The following INTU variants were observed in gnomAD, a reference collection of about 807,000 sequenced individuals.
INTU encodes the protein inturned planar cell polarity protein, also known as protein inturned.
Under a neutral mutation model 100.5 loss-of-function variants are expected in INTU, and 68 were observed. That is an observed-to-expected ratio of 0.68 (90% CI 0.56 to 0.83). INTU has a LOEUF of 0.83. INTU is among the 40% of genes least tolerant of loss of function. INTU has a pLI of 0.00. For synonymous variants in INTU, 357 were observed against 395.7 expected, an observed-to-expected ratio of 0.90 and a Z score of 1.16; for missense variants, 1,071 against 1,114.7, an observed-to-expected ratio of 0.96 and a Z score of 0.56.
chr4:127,697,057 C>T (rs574428706), intron 8 of INTU, among the ~76,000 whole-genome samples: 1 of 152,272 alleles, frequency 6.6e-6, no homozygotes, highest in South Asian at 2.1e-4. Flanking sequence ...ATTCTCTACT[C>T]AGTGTATTTT....
chr4:127,679,344 T>C (rs1729399798), intron 6 of INTU, among the ~76,000 whole-genome samples: 1 of 152,094 alleles, frequency 6.6e-6, no homozygotes, highest in Non-Finnish European at 1.5e-5. Context: ...ATTGACCACA[T>C]ACTTGGAAGT....
chr4:127,654,051 C>T (rs1461177838), intron 2 of INTU, among the ~76,000 whole-genome samples: 1 of 150,478 alleles, frequency 6.6e-6, no homozygotes, highest in African/African-American at 2.5e-5. Context: ...AAACCCCTGC[C>T]TTTTTTTGTT....
intron 6 of INTU, among the ~76,000 whole-genome samples, chr4:127,676,587 A>G (rs1306867525): frequency 6.9e-6 from 1 of 145,532 alleles, no homozygotes; most frequent in Non-Finnish European, 1.5e-5. Flanking sequence ...CAATGTCTCA[A>G]AAAAAAAAAA....
At chr4:127,698,915 G>A (rs1730517065) in intron 8 of INTU, among the ~76,000 whole-genome samples, 1 of 152,172 alleles carries the variant, frequency 6.6e-6, no homozygotes, top group East Asian at 1.9e-4. Context: ...GGAACCTGAA[G>A]TATTTGCTAG....
intron 9 of INTU, 59 bp from the exon 10 acceptor site, chr4:127,704,169 T>C (rs1006907258): frequency 7.0e-5 from 98 of 1,394,248 alleles, no homozygotes; most frequent in Admixed American, 1.5e-4. Context: ...TATAGCTTAA[T>C]TGGAATTTTT....
At chr4:127,653,731 A>G (rs1449301198) in intron 2 of INTU, among the ~76,000 whole-genome samples, 3 of 150,794 alleles carry the variant, frequency 2.0e-5, no homozygotes, top group African/African-American at 4.9e-5. Flanking sequence ...GTAGATGTCT[A>G]TTAGGTCCAC....
At chr4:127,636,789 C>G (rs1727093927) in intron 1 of INTU, among the ~76,000 whole-genome samples, 2 of 152,060 alleles carry the variant, frequency 1.3e-5, no homozygotes, top group South Asian at 4.2e-4. Context: ...TGTGAAGAAT[C>G]AAAATATTTC....
At chr4:127,708,252 C>G (rs1730967100) in intron 12 of INTU, among the ~76,000 whole-genome samples, 2 of 152,082 alleles carry the variant, frequency 1.3e-5, no homozygotes, top group Non-Finnish European at 2.9e-5. Context: ...AAAGGAGATA[C>G]AGAGATGAAT....
chr4:127,709,041 A>T (rs555403561), intron 13 of INTU, among the ~76,000 whole-genome samples: 1 of 152,106 alleles, frequency 6.6e-6, no homozygotes, highest in Non-Finnish European at 1.5e-5. Flanking sequence ...CCTTTCCAAC[A>T]CTTGAGAATG....
chr4:127,705,560 T>C (rs764472452), intron 10 of INTU, 31 bp from the exon 11 acceptor site: 36 of 1,510,478 alleles, frequency 2.4e-5, no homozygotes, highest in Non-Finnish European at 3.1e-5. Flanking sequence ...ATATCACTGG[T>C]AGACTTTTGC....
chr4:127,688,147 G>T lies in INTU; in HGVS notation c.1449+280G>T, dbSNP rs534868194. Reference sequence around the variant, plus strand: ...TAATTAAATGGTGTGTCTTACTTTGGAATTTTGTGACTTTGATTTTATAAT... The same window carrying T: ...TAATTAAATGGTGTGTCTTACTTTGTAATTTTGTGACTTTGATTTTATAAT... On this transcript the variant is annotated intron_variant, in intron 8 of 15. Transcript: ENST00000335251. Among the ~76,000 whole-genome samples the T allele has an allele frequency of 2.6e-5, 4 of 151,016 alleles. No individual in the cohort carries two copies. The South Asian group carries it at 8.4e-4, about 32-fold the overall frequency.
At chr4:127,691,798 G>T (rs1033918809) in intron 8 of INTU, among the ~76,000 whole-genome samples, 4 of 151,318 alleles carry the variant, frequency 2.6e-5, no homozygotes, top group Non-Finnish European at 4.4e-5. Context: ...TTATGCCTTT[G>T]CATCCTCATA....
At position 127,693,043 on chromosome 4, in the gene INTU, A is replaced by G. The variant is rs115439279; in HGVS notation, c.1449+5176A>G. Among the ~76,000 whole-genome samples the G allele has an allele frequency of 4.2e-3, 643 of 152,094 alleles. 7 individuals carry two copies. Among genetic ancestry groups the G allele is most frequent in the African/African-American group, 0.015 (613 of 41,538 alleles). On this transcript the variant is annotated intron_variant, in intron 8 of 15. Transcript: ENST00000335251. The stretch of plus-strand genomic sequence containing the variant: ...GCCTCCAGATTTTTTTTGCTTAGCA[A>G]TGCTTTGGCTATGAGGGCTCTTTTT...
chr4:127,663,439 A>G lies in INTU; in HGVS notation c.827A>G (p.Gln276Arg), dbSNP rs1172994082. Reference sequence around the variant, plus strand: ...AAAAGGGAGACGTCCCATCCAAGACAGAAAAAGACACAGTCCAACACAAGT... The same window carrying G: ...AAAAGGGAGACGTCCCATCCAAGACGGAAAAAGACACAGTCCAACACAAGT... ...DVKRETSHPR[Q>R]KKTQSNTSDL... Residue 276 changes from glutamine to arginine, a missense_variant, in exon 4 of 16, where the codon CAG (glutamine) becomes CGG (arginine). Transcript: ENST00000335251. The G allele has an allele frequency of 6.2e-7, 1 of 1,613,462 alleles. No homozygotes were observed. The highest frequency in any genetic ancestry group is 1.7e-5 in the Admixed American group (1 of 59,906).
At chr4:127,704,104 A>C (rs1730769223) in intron 9 of INTU, 124 bp from the exon 10 acceptor site, 1 of 699,686 alleles carries the variant, frequency 1.4e-6, no homozygotes, top group Non-Finnish European at 2.4e-6. Context: ...TGATTTCTAA[A>C]GATGGCACTA....
chr4:127,667,242 T>G (rs967739416), intron 4 of INTU, among the ~76,000 whole-genome samples: 2 of 152,010 alleles, frequency 1.3e-5, no homozygotes, highest in Non-Finnish European at 2.9e-5. Flanking sequence ...GGTTTCTGTC[T>G]GTTGCCAGCC....
intron 2 of INTU, among the ~76,000 whole-genome samples, chr4:127,651,942 G>T (rs1276613018): frequency 6.6e-6 from 1 of 150,850 alleles, no homozygotes. Context: ...CACATCCCTT[G>T]TAAGTTGGAT....
At chr4:127,705,893 AGCG>A in intron 11 of INTU, 81 bp downstream of exon 11, 1 of 1,025,912 alleles carries the variant, frequency 9.7e-7, no homozygotes, top group Non-Finnish European at 1.5e-6. Context: ...TGAGGGATGC[AGCG>A]GTAGGTAGGT....
At chr4:127,673,875 G>A (rs774325771) in intron 5 of INTU, among the ~76,000 whole-genome samples, 2 of 150,408 alleles carry the variant, frequency 1.3e-5, no homozygotes, top group Non-Finnish European at 3.0e-5. Context: ...AGGATCATAG[G>A]TGTGAGCCAC....
Sources: allele counts gnomAD v4.1 joint callset (sites outside exome capture counted in the v4.1 genomes callset), GRCh38; gene constraint gnomAD v4.1.1; transcripts MANE v1.5; gene names NCBI Gene and HGNC (gene_info 2026-07-23, HGNC 2026-07-21).